Variants in CELF2 observed in about 807,000 individuals in gnomAD.
CELF2 encodes the protein CUG triplet repeat RNA-binding protein 2.
A neutral mutation model predicts 62.6 loss-of-function variants in CELF2; 8 were observed. The ratio of observed to expected loss-of-function variants is 0.13; its 90% CI spans 0.07 to 0.23. The LOEUF is 0.23. Ranked by LOEUF, CELF2 falls within the 10% of genes least tolerant of loss-of-function variation. The pLI is 1.00. For synonymous variants in CELF2, 258 were observed against 250.0 expected (o/e 1.03, Z -0.30); for missense variants, 333 against 671.0 (o/e 0.50, Z 5.56).
intron 2 of CELF2, among the ~76,000 whole-genome samples, chr10:11,198,232 G>C (rs1292058036): frequency 6.6e-6 from 1 of 152,226 alleles, no homozygotes; most frequent in Admixed American, 6.5e-5. Context: ...CCGTGTGGCA[G>C]TGTACAATTT....
the CELF2 span, among the ~76,000 whole-genome samples, chr10:10,595,768 C>A: frequency 6.6e-6 from 1 of 152,238 alleles, no homozygotes; most frequent in East Asian, 1.9e-4. Flanking sequence ...TGATAGCATG[C>A]ACCTGTAGTC....
chr10:11,283,578 G>C (rs1237204651), intron 8 of CELF2, among the ~76,000 whole-genome samples: 1 of 150,326 alleles, frequency 6.7e-6, no homozygotes, highest in East Asian at 2.0e-4. Context: ...TGGGTGGGTA[G>C]ATGGATGGGT....
intron 4 of CELF2, among the ~76,000 whole-genome samples, chr10:11,256,664 TTAAA>T (rs1282460761): frequency 7.0e-5 from 5 of 71,744 alleles, no homozygotes; most frequent in Non-Finnish European, 1.5e-4. Context: ...TGTGATGTCC[TTAAA>T]AAAAAAAAAA....
At chr10:11,127,500 A>T (rs1295159703) in intron 1 of CELF2, among the ~76,000 whole-genome samples, 1 of 152,070 alleles carries the variant, frequency 6.6e-6, no homozygotes, top group Non-Finnish European at 1.5e-5. Flanking sequence ...ACTAATTTAC[A>T]CTCCTGCCAA....
In CELF2 at chr10:11,319,050, C is replaced by T; in HGVS notation, c.1097-2139C>T. 2 of 470,766 alleles carry T rather than the reference C, an allele frequency of 4.2e-6. No homozygotes were observed. The highest frequency in any genetic ancestry group is 1.5e-5 in the South Asian group (1 of 64,576). 29.2% of individuals were successfully genotyped at this position (470,766 alleles called of 1,614,324 possible). On this transcript the variant is annotated intron_variant, in intron 10 of 12. Coordinates refer to ENST00000633077, the MANE Select transcript of CELF2 (RefSeq NM_001326342.2). This position sits in a 1 kb window ranked among gnomAD's most constrained non-coding sequence, Gnocchi z 4.4. ...GGCAGCAAGGCCCCACATGGCTCTG[C>T]AGGCTGCGAGGCACACCCAGAACCT...
chr10:10,810,797 C>T (rs771226847), intron 1 of CELF2, among the ~76,000 whole-genome samples: 16 of 152,188 alleles, frequency 1.1e-4, no homozygotes, highest in Non-Finnish European at 1.2e-4. Flanking sequence ...AGAGTGAGTG[C>T]CATCGTGGTG....
At chr10:10,465,872 T>C in the CELF2 span, among the ~76,000 whole-genome samples, 2 of 152,104 alleles carry the variant, frequency 1.3e-5, no homozygotes, top group African/African-American at 2.4e-5. Flanking sequence ...TCGTGTTGAA[T>C]TGATGTGTGG....
intron 1 of CELF2, among the ~76,000 whole-genome samples, chr10:10,916,548 G>T (rs2064342136): frequency 6.6e-6 from 1 of 152,204 alleles, no homozygotes; most frequent in African/African-American, 2.4e-5. Context: ...GTGATTCACT[G>T]AATAAAGTTC....
chr10:11,282,913 A>G (rs894950002), intron 8 of CELF2, among the ~76,000 whole-genome samples: 5 of 152,078 alleles, frequency 3.3e-5, no homozygotes, highest in African/African-American at 1.2e-4. Flanking sequence ...GCCCTGCCTC[A>G]CCTCTGGTGT....
intron 8 of CELF2, among the ~76,000 whole-genome samples, chr10:11,284,756 G>A (rs1349479870): frequency 6.6e-6 from 1 of 150,986 alleles, no homozygotes; most frequent in Non-Finnish European, 1.5e-5. Context: ...TGGATAGATA[G>A]TTGGGTAGAT....
At chr10:10,756,214 C>A in the CELF2 span, among the ~76,000 whole-genome samples, 1 of 152,180 alleles carries the variant, frequency 6.6e-6, no homozygotes, top group South Asian at 2.1e-4. Flanking sequence ...TTTCCTTTGG[C>A]AGATGACTAT....
At chr10:11,020,425 GGT>G (rs1407394258) in intron 1 of CELF2, among the ~76,000 whole-genome samples, 1 of 152,164 alleles carries the variant, frequency 6.6e-6, no homozygotes, top group African/African-American at 2.4e-5. Flanking sequence ...TGGGGATAGA[GGT>G]GTGTGGGGGG....
intron 9 of CELF2, among the ~76,000 whole-genome samples, chr10:11,301,710 C>A (rs1001103884): frequency 2.7e-5 from 4 of 150,700 alleles, no homozygotes; most frequent in Admixed American, 2.0e-4. Flanking sequence ...CTGGCCCTGG[C>A]CCGGTGGCAC....
At chr10:11,176,745 T>C (rs897063646) in intron 2 of CELF2, among the ~76,000 whole-genome samples, 3 of 152,162 alleles carry the variant, frequency 2.0e-5, no homozygotes, top group Non-Finnish European at 2.9e-5. Context: ...TCTGTGTGCT[T>C]TGTTCAAAGT....
At chr10:10,794,545 A>C (rs890312852), upstream of CELF2, among the ~76,000 whole-genome samples, 32 of 152,160 alleles carry the variant, frequency 2.1e-4, no homozygotes, top group African/African-American at 7.2e-4. Context: ...GACGAATGAA[A>C]AAATGACAAA....
At chr10:10,985,357 A>G (rs991131727) in intron 2 of CELF2, among the ~76,000 whole-genome samples, 1 of 152,148 alleles carries the variant, frequency 6.6e-6, no homozygotes, top group Non-Finnish European at 1.5e-5. Flanking sequence ...AAGGCTTTAT[A>G]TAGATCCTTA....
At chr10:10,643,795 T>G in the CELF2 span, among the ~76,000 whole-genome samples, 26 of 152,324 alleles carry the variant, frequency 1.7e-4, no homozygotes, top group African/African-American at 6.0e-4. Flanking sequence ...ACTTTATGTC[T>G]TAACGTAGGC....
At chr10:11,019,568 T>C (rs1408479313) in intron 1 of CELF2, among the ~76,000 whole-genome samples, 1 of 151,512 alleles carries the variant, frequency 6.6e-6, no homozygotes, top group African/African-American at 2.4e-5. Flanking sequence ...TGGCCAATTA[T>C]TTGAGCTGCA....
At chr10:10,703,642 C>G in the CELF2 span, among the ~76,000 whole-genome samples, 1 of 152,254 alleles carries the variant, frequency 6.6e-6, no homozygotes, top group African/African-American at 2.4e-5. Context: ...TAATGTACAG[C>G]TAGGGCTGAG....
Sources: allele counts gnomAD v4.1 joint callset (sites outside exome capture counted in the v4.1 genomes callset), GRCh38; gene constraint gnomAD v4.1.1; non-coding constraint Gnocchi (gnomAD v3.1); transcripts MANE v1.5; gene names NCBI Gene and HGNC (gene_info 2026-07-23, HGNC 2026-07-21).